Variants in NBAS observed in about 807,000 individuals in gnomAD.
NBAS encodes NBAS subunit of NRZ tethering complex.
NBAS carries 219 observed loss-of-function variants against 302.5 expected under a neutral mutation model. The observed-to-expected ratio is 0.72, with a 90% confidence interval of 0.65 to 0.81. The LOEUF is 0.81. Ranked by LOEUF, NBAS falls within the 30% of genes least tolerant of loss-of-function variation. The pLI is 0.00. For synonymous variants in NBAS, 1,118 were observed against 1,021.6 expected (o/e 1.09, Z -1.80); for missense variants, 2,932 against 2,841.6 (o/e 1.03, Z -0.72).
the NBAS span, among the ~76,000 whole-genome samples, chr2:14,792,059 G>T: frequency 6.6e-6 from 1 of 151,980 alleles, no homozygotes; most frequent in Non-Finnish European, 1.5e-5. Flanking sequence ...CTGTTGGCCT[G>T]GCCTGGGAAA....
At chr2:15,248,785 C>A (rs1668224443) in intron 44 of NBAS, among the ~76,000 whole-genome samples, 1 of 152,104 alleles carries the variant, frequency 6.6e-6, no homozygotes, top group Non-Finnish European at 1.5e-5. Flanking sequence ...CCTGAATAGA[C>A]CAATAACAAG....
chr2:15,534,810 C>G (rs1663406330), intron 8 of NBAS, among the ~76,000 whole-genome samples, 169 bp from the exon 9 acceptor site: 1 of 152,160 alleles, frequency 6.6e-6, no homozygotes. Flanking sequence ...ATTGATAAAA[C>G]CACTTGGTAA....
chr2:15,533,600 A>T (rs1663329285), intron 9 of NBAS, among the ~76,000 whole-genome samples: 1 of 152,174 alleles, frequency 6.6e-6, no homozygotes, highest in African/African-American at 2.4e-5. Flanking sequence ...TCATATACAC[A>T]AAACTCAGGA....
chr2:14,906,837 C>T, the NBAS span, among the ~76,000 whole-genome samples: 1 of 152,142 alleles, frequency 6.6e-6, no homozygotes, highest in Non-Finnish European at 1.5e-5. Flanking sequence ...TCTGAGAAGA[C>T]AAAGTCGAGG....
At chr2:15,177,097 T>C (rs1352884123) in intron 51 of NBAS, among the ~76,000 whole-genome samples, 1 of 152,200 alleles carries the variant, frequency 6.6e-6, no homozygotes, top group African/African-American at 2.4e-5. Flanking sequence ...GGTAGGCAAG[T>C]GACTCATCTT....
Position 15,234,570 on chromosome 2 carries a change from T to C in NBAS, c.6121A>G (p.Ile2041Val), listed in dbSNP as rs1478765482. Residue 2041 changes from isoleucine (I) to valine (V), a missense_variant, in exon 46 of 52, where the codon ATC (isoleucine) becomes GTC (valine). By Grantham distance (29) the Ile-to-Val change is conservative. Coordinates refer to ENST00000281513, the MANE Select transcript of NBAS (RefSeq NM_015909.4). ...CTCAATGCAGAAATTATTTTCATGATTGCACTCTGCACTATATCCTTGGGT... is the reference window on the plus strand; with the variant it reads ...CTCAATGCAGAAATTATTTTCATGACTGCACTCTGCACTATATCCTTGGGT... The part of the protein sequence containing the change: ...ISPKDIVQSA[I>V]MKIISALSGG... The C allele has an allele frequency of 1.1e-5, 18 of 1,614,078 alleles. 1 individual carries two copies. The East Asian group carries it at 1.8e-4, about 16-fold the overall frequency.
chr2:15,516,584 G>A (rs1184535114), intron 9 of NBAS, among the ~76,000 whole-genome samples: 3 of 152,040 alleles, frequency 2.0e-5, no homozygotes, highest in East Asian at 1.9e-4. Flanking sequence ...TTATCCAGGT[G>A]TGGTGGCGTG....
chr2:15,338,482 C>G (rs570808822), intron 35 of NBAS, among the ~76,000 whole-genome samples: 13 of 152,120 alleles, frequency 8.5e-5, no homozygotes, highest in East Asian at 1.9e-4. Flanking sequence ...TAGAAAAATA[C>G]TCTATGGAGT....
chr2:15,298,607 A>C (rs1054536782), intron 40 of NBAS, among the ~76,000 whole-genome samples: 6 of 152,136 alleles, frequency 3.9e-5, no homozygotes, highest in African/African-American at 1.4e-4. Flanking sequence ...TCCTCAAGAA[A>C]TTTTACTGGT....
intron 50 of NBAS, among the ~76,000 whole-genome samples, chr2:15,184,720 C>T (rs1364492077): frequency 2.0e-5 from 3 of 152,176 alleles, no homozygotes; most frequent in Admixed American, 6.5e-5. Flanking sequence ...TAGCAGTCCT[C>T]GGCCTGGGGT....
At chr2:15,392,080 A>G (rs533851988) in intron 28 of NBAS, among the ~76,000 whole-genome samples, 45 of 152,162 alleles carry the variant, frequency 3.0e-4, no homozygotes, top group African/African-American at 9.6e-4. Context: ...AGATGGAAAC[A>G]TAAGTCTACA....
chr2:14,857,241 A>G, the NBAS span, among the ~76,000 whole-genome samples: 4 of 152,334 alleles, frequency 2.6e-5, no homozygotes, highest in African/African-American at 7.2e-5. Flanking sequence ...TAAAATGTCC[A>G]TACTATCCAA....
At chr2:14,987,367 A>G in the NBAS span, among the ~76,000 whole-genome samples, 1 of 151,968 alleles carries the variant, frequency 6.6e-6, no homozygotes, top group Admixed American at 6.6e-5. Flanking sequence ...TTTTTATTAA[A>G]AATAAACGTT....
the NBAS span, among the ~76,000 whole-genome samples, chr2:15,116,944 G>C: frequency 6.6e-6 from 1 of 152,092 alleles, no homozygotes; most frequent in African/African-American, 2.4e-5. Flanking sequence ...GAAAAGTGGA[G>C]TAATCATTTT....
At chr2:14,806,324 T>G in the NBAS span, among the ~76,000 whole-genome samples, 1 of 152,224 alleles carries the variant, frequency 6.6e-6, no homozygotes, top group Non-Finnish European at 1.5e-5. Context: ...CATGTGTATG[T>G]GTCTCTGTGC....
chr2:15,250,987 T>C (rs1668337704), intron 44 of NBAS, among the ~76,000 whole-genome samples: 2 of 152,196 alleles, frequency 1.3e-5, no homozygotes, highest in Admixed American at 1.3e-4. Flanking sequence ...TAAATCATGC[T>C]ACTATAAAGA....
At chr2:15,323,508 A>G (rs1467975968) in intron 38 of NBAS, among the ~76,000 whole-genome samples, 1 of 152,184 alleles carries the variant, frequency 6.6e-6, no homozygotes, top group African/African-American at 2.4e-5. Flanking sequence ...GAAACTTTCC[A>G]AACAGTCTTC....
the NBAS span, among the ~76,000 whole-genome samples, chr2:14,927,735 G>A: frequency 8.5e-5 from 13 of 152,218 alleles, no homozygotes; most frequent in Admixed American, 4.6e-4. Context: ...TGTTTTTATC[G>A]TAGCAAACCT....
the NBAS span, among the ~76,000 whole-genome samples, chr2:14,934,068 T>A: frequency 3.3e-5 from 5 of 152,104 alleles, no homozygotes; most frequent in African/African-American, 1.2e-4. Context: ...GAAATTGAAA[T>A]CCTAAGATCC....
Sources: allele counts gnomAD v4.1 joint callset (sites outside exome capture counted in the v4.1 genomes callset), GRCh38; gene constraint gnomAD v4.1.1; transcripts MANE v1.5; gene names NCBI Gene and HGNC (gene_info 2026-07-23, HGNC 2026-07-21).